The following CRISP2 variants were observed in gnomAD, a reference collection of about 807,000 sequenced individuals.
CRISP2 encodes cysteine-rich secretory protein 2.
Under a neutral mutation model 31.7 loss-of-function variants are expected in CRISP2, and 29 were observed. The ratio of observed to expected loss-of-function variants is 0.92; its 90% CI spans 0.68 to 1.25. CRISP2 has a LOEUF of 1.25. CRISP2 is among the 50% of genes most tolerant of loss of function. The probability of loss-of-function intolerance (pLI) is 0.00; values close to 1 mark genes in which losing one functional copy is unlikely to be tolerated. For missense variants in CRISP2, 318 were observed against 286.5 expected (o/e 1.11, Z -0.79); for synonymous variants, 111 against 101.4 (o/e 1.09, Z -0.57).
rs368436207 is a variant in CRISP2, at chr6:49,697,878, A to G, written c.497T>C (p.Val166Ala). ...PNQDSLKYYY[V>A]CQYCPAGNNM... is the part of the protein sequence containing the mutation. ...TACTTACGCAGGACAATATTGGCAA[A>G]CATAGTAGTATTTTAGACTATCTTG... The change falls in exon 8 of 10, where the codon GTT becomes GCT. Residue 166 changes from valine to alanine, a missense_variant. Physicochemically the swap from Val to Ala is moderately conservative, Grantham distance 64. Coordinates refer to ENST00000339139, the MANE Select transcript of CRISP2 (RefSeq NM_003296.4). 8.0e-5 allele frequency: 129 copies of G among 1,612,198 alleles called. No individual in the cohort carries two copies. In the Middle Eastern group the frequency reaches 1.2e-3, roughly 14 times the overall value.
chr6:49,702,725 G>A (rs954411678), intron 4 of CRISP2, among the ~76,000 whole-genome samples: 3 of 151,926 alleles, frequency 2.0e-5, no homozygotes, highest in Non-Finnish European at 4.4e-5. Context: ...ACTAGTTTGC[G>A]AAGATTTTCT....
chr6:49,685,084 C>T, the CRISP2 span, among the ~76,000 whole-genome samples: 62 of 152,176 alleles, frequency 4.1e-4, no homozygotes, highest in African/African-American at 1.3e-3. Context: ...TTGGGCTCCC[C>T]GGATGCCTCC....
chr6:49,701,072 G>A (rs955116355), intron 4 of CRISP2, among the ~76,000 whole-genome samples: 2 of 152,020 alleles, frequency 1.3e-5, no homozygotes, highest in Non-Finnish European at 2.9e-5. Flanking sequence ...AGTAACTCAT[G>A]GCATGACAAA....
At chr6:49,685,701 T>C in the CRISP2 span, among the ~76,000 whole-genome samples, 34 of 152,230 alleles carry the variant, frequency 2.2e-4, no homozygotes, top group Admixed American at 2.2e-3. Context: ...TTGCAGTTTT[T>C]ATCTTTACCT....
At chr6:49,698,327 TC>T (rs1582049847) in intron 7 of CRISP2, 34 bp downstream of exon 7, 7 of 1,608,132 alleles carry the variant, frequency 4.4e-6, no homozygotes, top group Non-Finnish European at 4.3e-6. Flanking sequence ...TATTAGAACA[TC>T]TGTGACATAG....
chr6:49,684,408 T>C, the CRISP2 span, among the ~76,000 whole-genome samples: 1 of 152,158 alleles, frequency 6.6e-6, no homozygotes, highest in African/African-American at 2.4e-5. Flanking sequence ...CAACCATCTG[T>C]ATAGTACTTT....
chr6:49,701,806 T>A lies in CRISP2; in HGVS notation c.67-1022A>T, dbSNP rs111209751. Among the ~76,000 whole-genome samples, 876 of 103,924 alleles carry A rather than the reference T, an allele frequency of 8.4e-3. 20 individuals are homozygous for A. Among genetic ancestry groups the A allele is most frequent in the African/African-American group, 0.033 (849 of 25,730 alleles). The allele number at this position is 103,924 out of a possible 152,430, so 68.2% of individuals were successfully genotyped here. Reference sequence around the variant, plus strand: ...TATATGTATGTATGTACACATTATATATGTATACATATATAATGTATACAT... The same window carrying A: ...TATATGTATGTATGTACACATTATAAATGTATACATATATAATGTATACAT... On this transcript the variant is annotated intron_variant, in intron 4 of 9. Transcript: ENST00000339139.
At chr6:49,685,391 C>T in the CRISP2 span, among the ~76,000 whole-genome samples, 91 of 152,256 alleles carry the variant, frequency 6.0e-4, no homozygotes, top group African/African-American at 2.0e-3. Flanking sequence ...CTGATGAAGG[C>T]AGGGACTCAC....
intron 2 of CRISP2, among the ~76,000 whole-genome samples, chr6:49,711,879 C>T (rs149718571): frequency 1.3e-3 from 204 of 152,218 alleles, no homozygotes; most frequent in Non-Finnish European, 2.2e-3. Context: ...GTATGTAACA[C>T]CTCTAATACA....
At chr6:49,676,942 T>G in the CRISP2 span, among the ~76,000 whole-genome samples, 1 of 152,072 alleles carries the variant, frequency 6.6e-6, no homozygotes, top group Non-Finnish European at 1.5e-5. Flanking sequence ...GCAAAGATTA[T>G]CATCTCACAA....
intron 8 of CRISP2, among the ~76,000 whole-genome samples, chr6:49,696,208 T>C (rs974020487): frequency 6.6e-6 from 1 of 150,910 alleles, no homozygotes; most frequent in African/African-American, 2.4e-5. Context: ...ACACTATCTT[T>C]ATCTCCCATT....
chr6:49,694,316 A>G (rs959178732), intron 9 of CRISP2, among the ~76,000 whole-genome samples: 8 of 152,172 alleles, frequency 5.3e-5, no homozygotes, highest in African/African-American at 1.9e-4. Flanking sequence ...ATGACTTTCC[A>G]GCTACTACAA....
intron 4 of CRISP2, among the ~76,000 whole-genome samples, chr6:49,701,618 A>ACATTATATAATG (rs1561876051): frequency 4.1e-5 from 2 of 48,622 alleles, no homozygotes; most frequent in Non-Finnish European, 3.6e-5. Context: ...CGGTATATAT[A>ACATTATATAATG]TATACATTAT....
chr6:49,710,472 T>C (rs1390005937), intron 3 of CRISP2, among the ~76,000 whole-genome samples: 2 of 152,164 alleles, frequency 1.3e-5, no homozygotes, highest in Non-Finnish European at 2.9e-5. Flanking sequence ...ACAGTTTTAA[T>C]TGGGAAAAGG....
At chr6:49,705,349 C>G (rs188276389) in intron 4 of CRISP2, among the ~76,000 whole-genome samples, 1 of 152,184 alleles carries the variant, frequency 6.6e-6, no homozygotes, top group African/African-American at 2.4e-5. Context: ...CCAATCTCAC[C>G]CCTGCTGTGC....
intron 4 of CRISP2, among the ~76,000 whole-genome samples, chr6:49,704,051 T>C (rs1401357989): frequency 6.6e-6 from 1 of 152,166 alleles, no homozygotes; most frequent in Non-Finnish European, 1.5e-5. Context: ...GTTCATTTTC[T>C]TTTTATCATT....
At chr6:49,700,203 T>G (rs1322528942) in intron 5 of CRISP2, among the ~76,000 whole-genome samples, 5 of 152,182 alleles carry the variant, frequency 3.3e-5, no homozygotes, top group African/African-American at 4.8e-5. Flanking sequence ...AATATTCTAA[T>G]TATATTTTAA....
At chr6:49,697,658 G>C (rs1439898104) in intron 8 of CRISP2, 2 of 1,415,948 alleles carry the variant, frequency 1.4e-6, no homozygotes, top group South Asian at 2.5e-5. Flanking sequence ...TGAGGAATGA[G>C]AGCTTCAGTT....
chr6:49,689,594 T>C (rs1763986375), downstream of CRISP2, among the ~76,000 whole-genome samples: 1 of 152,130 alleles, frequency 6.6e-6, no homozygotes, highest in Non-Finnish European at 1.5e-5. Context: ...TAAAAATTTC[T>C]TTTTTAAAAA....
Sources: gnomAD v4.1 joint callset for allele counts (sites outside exome capture counted in the v4.1 genomes callset) on GRCh38, gnomAD v4.1.1 for gene constraint, MANE v1.5 for transcripts, NCBI Gene and HGNC (gene_info 2026-07-23, HGNC 2026-07-21) for gene names.